Variants in ZNF385D observed in about 807,000 individuals in gnomAD.
ZNF385D encodes the protein zinc finger protein 659.
Under a neutral mutation model 35.8 loss-of-function variants are expected in ZNF385D, and 15 were observed. The observed-to-expected ratio is 0.42, with a 90% confidence interval of 0.28 to 0.64. ZNF385D has a LOEUF of 0.64. ZNF385D is among the 30% of genes least tolerant of loss of function. ZNF385D has a pLI of 0.23. For synonymous variants in ZNF385D, 212 were observed against 186.8 expected (o/e 1.13, Z -1.10); for missense variants, 474 against 494.6 (o/e 0.96, Z 0.39).
At chr3:22,081,074 T>C (rs1428574732) in intron 3 of ZNF385D, among the ~76,000 whole-genome samples, 3 of 152,176 alleles carry the variant, frequency 2.0e-5, no homozygotes, top group Non-Finnish European at 2.9e-5. Context: ...CCAACTAAAT[T>C]ATAAATTTTT....
At chr3:21,593,249 A>G (rs1180922251) in intron 2 of ZNF385D, among the ~76,000 whole-genome samples, 1 of 152,134 alleles carries the variant, frequency 6.6e-6, no homozygotes, top group African/African-American at 2.4e-5. Flanking sequence ...GTGATGGCCA[A>G]GGGTCTGGGT....
At chr3:22,151,895 T>C (rs192893219) in intron 3 of ZNF385D, among the ~76,000 whole-genome samples, 2 of 152,182 alleles carry the variant, frequency 1.3e-5, no homozygotes, top group Admixed American at 6.6e-5. Flanking sequence ...CATGTGCAGG[T>C]TATATAGGTA....
chr3:22,176,917 T>G (rs1478099651), intron 2 of ZNF385D, among the ~76,000 whole-genome samples: 1 of 152,178 alleles, frequency 6.6e-6, no homozygotes, highest in Non-Finnish European at 1.5e-5. Flanking sequence ...ATCAGATATG[T>G]CTTAAATTTC....
At chr3:22,298,514 TTTA>T (rs1036813383) in intron 2 of ZNF385D, among the ~76,000 whole-genome samples, 1 of 145,060 alleles carries the variant, frequency 6.9e-6, no homozygotes, top group Non-Finnish European at 1.5e-5. Flanking sequence ...ACATAAAACA[TTTA>T]TATATAATAT....
At chr3:22,257,840 T>A (rs1227591511) in intron 2 of ZNF385D, among the ~76,000 whole-genome samples, 1 of 151,892 alleles carries the variant, frequency 6.6e-6, no homozygotes, top group Non-Finnish European at 1.5e-5. Flanking sequence ...CCTGGTGACT[T>A]CTTCATAGAT....
intron 3 of ZNF385D, among the ~76,000 whole-genome samples, chr3:21,956,192 A>G (rs995103986): frequency 2.6e-5 from 4 of 151,960 alleles, no homozygotes; most frequent in African/African-American, 9.7e-5. Flanking sequence ...GTCTCAGGAA[A>G]CAAACAAACA....
rs112691100 is a variant in ZNF385D at position 22,317,762 on chromosome 3, T to C, written c.106+54688A>G. On this transcript the variant is annotated intron_variant, in intron 2 of 5. Coordinates refer to the ZNF385D transcript ENST00000494108. ...ATAAATTTGCATCACTTTTCAGCTATTAAATAATGTGAATCAGGCTGGGCA... is the reference window on the plus strand; with the variant it reads ...ATAAATTTGCATCACTTTTCAGCTACTAAATAATGTGAATCAGGCTGGGCA... Among the ~76,000 whole-genome samples, 363 of 152,244 alleles carry C rather than the reference T, an allele frequency of 2.4e-3. 2 individuals are homozygous for C. Among genetic ancestry groups the C allele is most frequent in the African/African-American group, 7.9e-3 (328 of 41,544 alleles).
chr3:21,520,677 T>C (rs999133914), intron 3 of ZNF385D, among the ~76,000 whole-genome samples: 7 of 152,218 alleles, frequency 4.6e-5, no homozygotes, highest in African/African-American at 1.7e-4. Context: ...AATATGGAGA[T>C]TGTTTTGCTT....
chr3:22,010,170 T>C (rs73048189), intron 3 of ZNF385D, among the ~76,000 whole-genome samples: 25,056 of 151,964 alleles, frequency 0.16, 2,211 homozygotes, highest in Non-Finnish European at 0.19. Flanking sequence ...ATGAAAAAAG[T>C]ATATGTTTTA....
intron 1 of ZNF385D, among the ~76,000 whole-genome samples, chr3:21,708,393 G>A (rs1230458119): frequency 1.3e-5 from 2 of 152,142 alleles, no homozygotes; most frequent in African/African-American, 4.8e-5. Flanking sequence ...CAGCTCTTAA[G>A]CGGAAGAAAT....
chr3:22,163,943 A>T (rs1445216204), intron 3 of ZNF385D, among the ~76,000 whole-genome samples: 1 of 152,202 alleles, frequency 6.6e-6, no homozygotes, highest in Non-Finnish European at 1.5e-5. Flanking sequence ...TATTTGTACA[A>T]ATCAACATTT....
At chr3:21,955,228 C>G (rs994044365) in intron 3 of ZNF385D, among the ~76,000 whole-genome samples, 1 of 152,262 alleles carries the variant, frequency 6.6e-6, no homozygotes, top group South Asian at 2.1e-4. Context: ...GACTGCTTAT[C>G]CTTCTTGCTG....
At chr3:21,625,146 G>A (rs925490590) in intron 2 of ZNF385D, among the ~76,000 whole-genome samples, 4 of 151,906 alleles carry the variant, frequency 2.6e-5, no homozygotes, top group African/African-American at 7.3e-5. Flanking sequence ...CCCAATAGTC[G>A]GTAAGGTACT....
chr3:22,172,335 AC>A (rs1229563693), intron 2 of ZNF385D, among the ~76,000 whole-genome samples: 2 of 152,226 alleles, frequency 1.3e-5, no homozygotes, highest in East Asian at 1.9e-4. Context: ...TTGCAGACTC[AC>A]AGGAATAATT....
intron 2 of ZNF385D, among the ~76,000 whole-genome samples, chr3:22,352,356 A>G (rs1366059084): frequency 2.0e-5 from 3 of 152,220 alleles, no homozygotes; most frequent in Non-Finnish European, 4.4e-5. Context: ...CATTTTAGGC[A>G]GTTTAGATCC....
intron 4 of ZNF385D, among the ~76,000 whole-genome samples, chr3:21,491,748 G>T (rs1386769361): frequency 6.6e-6 from 1 of 152,120 alleles, no homozygotes; most frequent in African/African-American, 2.4e-5. Context: ...TTATGACAGA[G>T]GCTAAAATAC....
chr3:22,372,124 C>A (rs886110977), intron 2 of ZNF385D, among the ~76,000 whole-genome samples: 15 of 152,108 alleles, frequency 9.9e-5, no homozygotes, highest in Admixed American at 2.0e-4. Context: ...ACCTCGCCCC[C>A]CCGCCTCGGC....
intron 1 of ZNF385D, among the ~76,000 whole-genome samples, chr3:21,722,262 G>C (rs1394498903): frequency 1.3e-5 from 2 of 152,194 alleles, no homozygotes; most frequent in East Asian, 3.9e-4. Context: ...CTGTGGTTGA[G>C]TAAAATAGCA....
chr3:21,731,179 C>A (rs2068979536), intron 1 of ZNF385D, among the ~76,000 whole-genome samples: 1 of 152,130 alleles, frequency 6.6e-6, no homozygotes. Flanking sequence ...ACACCTAATA[C>A]TTAAACATGT....
Sources: gnomAD v4.1 joint callset for allele counts (sites outside exome capture counted in the v4.1 genomes callset) on GRCh38, gnomAD v4.1.1 for gene constraint, MANE v1.5 for transcripts, NCBI Gene and HGNC (gene_info 2026-07-23, HGNC 2026-07-21) for gene names.